Variants in STXBP5L observed in about 807,000 individuals in gnomAD.
STXBP5L encodes the protein syntaxin binding protein 5L, also known as syntaxin-binding protein 5-like.
STXBP5L carries 65 observed loss-of-function variants against 144.5 expected under a neutral mutation model. That is an observed-to-expected ratio of 0.45 (90% confidence interval 0.37 to 0.55). The LOEUF (loss-of-function observed/expected upper bound fraction) is 0.55, where lower values mean the gene tolerates loss of function less well. Among genes scored for constraint, STXBP5L ranks in the 20% least tolerant of loss-of-function variants. The probability of loss-of-function intolerance (pLI) is 0.00; values close to 1 mark genes in which losing one functional copy is unlikely to be tolerated. For missense variants in STXBP5L, 1,298 were observed against 1,405.5 expected, an observed-to-expected ratio of 0.92 and a Z score of 1.22; for synonymous variants, 505 against 469.6, an observed-to-expected ratio of 1.08 and a Z score of -0.97.
intron 3 of STXBP5L, among the ~76,000 whole-genome samples, chr3:121,023,423 G>A (rs1185837742): frequency 6.6e-6 from 1 of 151,960 alleles, no homozygotes; most frequent in African/African-American, 2.4e-5. Flanking sequence ...CCAAAAAAGA[G>A]CCCACCTAGC....
intron 5 of STXBP5L, among the ~76,000 whole-genome samples, chr3:121,095,996 G>C (rs9871170): frequency 1.3e-5 from 2 of 151,936 alleles, no homozygotes; most frequent in East Asian, 1.9e-4. Context: ...GTTAGTGTCT[G>C]TCACCGCTTC....
intron 22 of STXBP5L, among the ~76,000 whole-genome samples, chr3:121,395,070 A>T (rs2046695353): frequency 6.6e-6 from 1 of 152,196 alleles, no homozygotes; most frequent in Admixed American, 6.5e-5. Context: ...ATCTATTATC[A>T]TTCTTTGTGA....
intron 3 of STXBP5L, among the ~76,000 whole-genome samples, chr3:121,003,806 G>C (rs941885374): frequency 2.0e-5 from 3 of 152,142 alleles, no homozygotes; most frequent in South Asian, 2.1e-4. Context: ...TTATTAAATA[G>C]GGAATCCTTT....
Position 121,378,902 on chromosome 3 carries a change from T to C in STXBP5L, c.2347+16T>C. ...ACAACAGAAGGTATGTTAAACATATTAAATTTTTTTGTTACAGTTAAAATT... is the reference window on the plus strand; with the variant it reads ...ACAACAGAAGGTATGTTAAACATATCAAATTTTTTTGTTACAGTTAAAATT... On this transcript the variant is annotated intron_variant, in intron 21 of 26. Coordinates refer to ENST00000471454, the MANE Select transcript of STXBP5L (RefSeq NM_001308330.2). 6.3e-7 allele frequency: 1 copy of C among 1,599,160 alleles called. No homozygotes were observed. The highest frequency in any genetic ancestry group is 8.5e-7 in the Non-Finnish European group (1 of 1,172,070).
At chr3:120,909,829 G>C in intron 2 of STXBP5L, 62 bp downstream of exon 2, 1 of 1,486,408 alleles carries the variant, frequency 6.7e-7, no homozygotes, top group Non-Finnish European at 9.0e-7. Context: ...AGGAAACAAG[G>C]GGGGAAAAAC....
At chr3:121,066,610 T>C (rs2041562826) in intron 5 of STXBP5L, among the ~76,000 whole-genome samples, 1 of 152,048 alleles carries the variant, frequency 6.6e-6, no homozygotes, top group Admixed American at 6.6e-5. Flanking sequence ...ATATGCTGGG[T>C]TTGCTAATAT....
chr3:121,340,926 G>C (rs1454927684), intron 20 of STXBP5L, among the ~76,000 whole-genome samples: 2 of 152,058 alleles, frequency 1.3e-5, no homozygotes, highest in African/African-American at 4.8e-5. Flanking sequence ...TCAGTGTTAA[G>C]TTGTCAACAG....
At chr3:121,179,834 A>T (rs2047074068) in intron 9 of STXBP5L, among the ~76,000 whole-genome samples, 3 of 152,150 alleles carry the variant, frequency 2.0e-5, no homozygotes, top group Non-Finnish European at 4.4e-5. Context: ...TAGAAGAAAG[A>T]ACTTCAGAGC....
At chr3:121,356,420 G>A (rs188984443) in intron 20 of STXBP5L, among the ~76,000 whole-genome samples, 4 of 152,202 alleles carry the variant, frequency 2.6e-5, no homozygotes, top group African/African-American at 9.6e-5. Context: ...CCCAAGCCAG[G>A]CTGCCACCTC....
Position 120,992,120 on chromosome 3 carries a change from A to T in STXBP5L, c.287+37083A>T, listed in dbSNP as rs112906431. On this transcript the variant is annotated intron_variant, in intron 3 of 26. Transcript: ENST00000471454. ...TGGATCACTAAAGAAAATCTATGTC[A>T]ATCTGCTTTTTTCTTTAAAAAAACT... 2.5e-3 allele frequency among the ~76,000 whole-genome samples: 381 copies of T among 152,218 alleles called. 2 individuals are homozygous for T. The highest frequency in any genetic ancestry group is 8.6e-3 in the African/African-American group (358 of 41,558).
chr3:120,928,406 G>T lies in STXBP5L; in HGVS notation c.189+18639G>T, dbSNP rs1279179361. Among the ~76,000 whole-genome samples the T allele has an allele frequency of 3.3e-5, 5 of 152,090 alleles. No individual in the cohort carries two copies. The East Asian group carries it at 9.7e-4, about 29-fold the overall frequency. The stretch of plus-strand genomic sequence containing the variant: ...GCCTCTGGAGTAGCTGAAACTACAG[G>T]CGTGTACCACCACGCCTGGCTAATT... On this transcript the variant is annotated intron_variant, in intron 2 of 26. Transcript: ENST00000471454.
intron 9 of STXBP5L, among the ~76,000 whole-genome samples, 189 bp from the exon 10 acceptor site, chr3:121,205,734 G>C (rs944013728): frequency 7.9e-5 from 12 of 152,042 alleles, no homozygotes; most frequent in Non-Finnish European, 1.3e-4. Flanking sequence ...GACAATTATT[G>C]CAACTCTAAA....
intron 19 of STXBP5L, chr3:121,282,186 T>C: frequency 7.7e-7 from 1 of 1,295,616 alleles, no homozygotes. Context: ...TCTGGTATGA[T>C]ATCACTTCCT....
At chr3:120,950,357 A>T (rs983968500) in intron 2 of STXBP5L, among the ~76,000 whole-genome samples, 1 of 152,004 alleles carries the variant, frequency 6.6e-6, no homozygotes, top group Non-Finnish European at 1.5e-5. Flanking sequence ...CTGGAATCTC[A>T]TTTCCGTTCC....
At chr3:121,132,227 C>A (rs1417583812) in intron 7 of STXBP5L, among the ~76,000 whole-genome samples, 1 of 152,156 alleles carries the variant, frequency 6.6e-6, no homozygotes, top group East Asian at 1.9e-4. Flanking sequence ...TGAAAAATCC[C>A]AGCTCTCAGC....
At position 121,050,030 on chromosome 3, in the gene STXBP5L, T is replaced by G. The variant is rs113512539; in HGVS notation, c.470+4495T>G. On this transcript the variant is annotated intron_variant, in intron 5 of 26. Transcript: ENST00000471454. ...CTGTTCCCTGTGATGTGAGGACTCC[T>G]CTGGCTCCATGCCACTTCTGGGTGG... Among the ~76,000 whole-genome samples, 241 of 152,248 alleles carry G rather than the reference T, an allele frequency of 1.6e-3. 4 individuals carry two copies. The highest frequency in any genetic ancestry group is 3.4e-3 in the Middle Eastern group (1 of 294).
intron 5 of STXBP5L, among the ~76,000 whole-genome samples, chr3:121,068,201 G>A (rs2041638240): frequency 6.6e-6 from 1 of 152,170 alleles, no homozygotes; most frequent in African/African-American, 2.4e-5. Context: ...GTAGAAATGT[G>A]GTTTCACCAT....
At chr3:121,187,436 A>G (rs935899838) in intron 9 of STXBP5L, among the ~76,000 whole-genome samples, 2 of 151,396 alleles carry the variant, frequency 1.3e-5, no homozygotes, top group Non-Finnish European at 2.9e-5. Flanking sequence ...GAGGGATAGC[A>G]TTAGGAGATA....
intron 3 of STXBP5L, among the ~76,000 whole-genome samples, chr3:120,975,349 G>C (rs569358577): frequency 6.6e-6 from 1 of 152,118 alleles, no homozygotes; most frequent in African/African-American, 2.4e-5. Context: ...TTGTTTGTCT[G>C]TTATTGGTGT....
Sources: allele counts gnomAD v4.1 joint callset (sites outside exome capture counted in the v4.1 genomes callset), GRCh38; gene constraint gnomAD v4.1.1; transcripts MANE v1.5; gene names NCBI Gene and HGNC (gene_info 2026-07-23, HGNC 2026-07-21).